GALNT14: variants seen among roughly 807,000 people sequenced by gnomAD.
GALNT14 encodes the protein UDP-GalNAc:polypeptide N-acetylgalactosaminyltransferase 14.
In GALNT14, 60 loss-of-function variants were observed where a neutral mutation model predicts 77.5. The ratio of observed to expected loss-of-function variants is 0.77; its 90% CI spans 0.63 to 0.96. The LOEUF (loss-of-function observed/expected upper bound fraction) is 0.96. GALNT14 is among the 40% of genes least tolerant of loss of function. The pLI is 0.00. For synonymous variants in GALNT14, 280 were observed against 281.7 expected (o/e 0.99, Z 0.06); for missense variants, 710 against 731.0 (o/e 0.97, Z 0.33).
At chr2:30,902,643 A>G in the GALNT14 span, among the ~76,000 whole-genome samples, 9 of 152,278 alleles carry the variant, frequency 5.9e-5, no homozygotes, top group African/African-American at 2.2e-4. Flanking sequence ...CTGTGACTTT[A>G]TAAGGGTAGG....
At chr2:30,993,920 G>A (rs902393560) in intron 1 of GALNT14, among the ~76,000 whole-genome samples, 27 of 152,248 alleles carry the variant, frequency 1.8e-4, no homozygotes, top group Middle Eastern at 3.4e-3. Context: ...TGCCCACACC[G>A]GTTCCACAGC....
In GALNT14 at chr2:30,958,051, C is replaced by T. The variant is rs79609197; in HGVS notation, c.466+346G>A. On this transcript the variant is annotated intron_variant, in intron 4 of 14. Transcript: ENST00000349752. ...GTAGGAAATGAGCAAGAAAAGAATG[C>T]GGAAAGGTTGGAAGGCAACCCTCAC... 0.011 allele frequency among the ~76,000 whole-genome samples: 1,707 copies of T among 152,160 alleles called. 82 individuals carry two copies. In the East Asian group the frequency reaches 0.16, roughly 14 times the overall value.
chr2:30,905,297 A>G, the GALNT14 span, among the ~76,000 whole-genome samples: 3 of 152,076 alleles, frequency 2.0e-5, no homozygotes, highest in Non-Finnish European at 2.9e-5. Context: ...AAAGGCAAAG[A>G]AGTGGAAAAC....
intron 9 of GALNT14, among the ~76,000 whole-genome samples, chr2:30,932,928 A>T (rs2148255587): frequency 6.6e-6 from 1 of 152,240 alleles, no homozygotes; most frequent in African/African-American, 2.4e-5. Context: ...CTAGGTTTGT[A>T]CACACACCCA....
At chr2:30,970,305 AG>A (rs1233536925) in intron 2 of GALNT14, among the ~76,000 whole-genome samples, 1 of 152,166 alleles carries the variant, frequency 6.6e-6, no homozygotes, top group Non-Finnish European at 1.5e-5. Flanking sequence ...CCTGCATTTG[AG>A]TCTGGACATG....
At chr2:31,136,642 G>C (rs957861416) in intron 1 of GALNT14, among the ~76,000 whole-genome samples, 2 of 152,166 alleles carry the variant, frequency 1.3e-5, no homozygotes, top group Non-Finnish European at 2.9e-5. Context: ...CAAAGCATTG[G>C]CAAGATTCCA....
intron 1 of GALNT14, among the ~76,000 whole-genome samples, chr2:31,070,195 C>A (rs12998538): frequency 0.1 from 15,544 of 152,238 alleles, 1,184 homozygotes; most frequent in Admixed American, 0.22. Context: ...TGACCACGGG[C>A]TATTCCACCA....
In GALNT14 at chr2:30,913,827, T is replaced by C. The variant is rs188769639; in HGVS notation, c.1381-1485A>G. Reference sequence around the variant, plus strand: ...CAAGACTGTCCTTGAGTCTTGTTCTTAACAGCAGGGCAATGGGTACATGGG... The same window carrying C: ...CAAGACTGTCCTTGAGTCTTGTTCTCAACAGCAGGGCAATGGGTACATGGG... On this transcript the variant is annotated intron_variant, in intron 13 of 14. Coordinates refer to ENST00000349752, the MANE Select transcript of GALNT14 (RefSeq NM_024572.4). 9.9e-4 allele frequency among the ~76,000 whole-genome samples: 151 copies of C among 152,334 alleles called. 1 individual carries two copies. The highest frequency in any genetic ancestry group is 3.6e-3 in the African/African-American group (148 of 41,580).
intron 2 of GALNT14, among the ~76,000 whole-genome samples, chr2:30,989,682 A>AT (rs534391599): frequency 4.3e-5 from 5 of 115,280 alleles, no homozygotes; most frequent in East Asian, 4.6e-4. Flanking sequence ...ATATATAAAA[A>AT]ATATATATTA....
chr2:31,116,584 T>C (rs1199568044), intron 1 of GALNT14, among the ~76,000 whole-genome samples: 1 of 152,118 alleles, frequency 6.6e-6, no homozygotes, highest in Non-Finnish European at 1.5e-5. Context: ...AAGCCAAAAC[T>C]CTTGATAGTA....
chr2:30,969,091 G>C (rs982422527), intron 2 of GALNT14, among the ~76,000 whole-genome samples: 8 of 152,190 alleles, frequency 5.3e-5, no homozygotes, highest in Admixed American at 3.3e-4. Flanking sequence ...ATGTCAGGGA[G>C]GAGGGCCAGC....
intron 1 of GALNT14, among the ~76,000 whole-genome samples, chr2:31,095,146 C>T (rs1356530422): frequency 6.6e-6 from 1 of 152,096 alleles, no homozygotes; most frequent in African/African-American, 2.4e-5. Flanking sequence ...AAACAGGGGG[C>T]AACAACCCAG....
intron 2 of GALNT14, among the ~76,000 whole-genome samples, chr2:30,985,109 C>T (rs1301867496): frequency 6.6e-6 from 1 of 151,708 alleles, no homozygotes; most frequent in Non-Finnish European, 1.5e-5. Context: ...ATGGCAATTG[C>T]TCAATAAATG....
chr2:30,967,511 C>T (rs895371523), intron 2 of GALNT14, among the ~76,000 whole-genome samples: 5 of 152,110 alleles, frequency 3.3e-5, no homozygotes, highest in African/African-American at 7.2e-5. Context: ...ATGGGCTGGG[C>T]GTGGGTCATC....
intron 6 of GALNT14, among the ~76,000 whole-genome samples, chr2:30,951,706 T>A (rs1366835120): frequency 6.6e-6 from 1 of 151,802 alleles, no homozygotes; most frequent in Non-Finnish European, 1.5e-5. Flanking sequence ...ATGAAATCAG[T>A]TTGGGGGCAG....
chr2:31,086,924 G>A (rs977231797), intron 1 of GALNT14, among the ~76,000 whole-genome samples: 2 of 152,106 alleles, frequency 1.3e-5, no homozygotes, highest in Non-Finnish European at 2.9e-5. Context: ...TTCTAATTAG[G>A]GAGACAGATA....
chr2:30,979,427 G>A (rs1002044711), intron 2 of GALNT14, among the ~76,000 whole-genome samples: 1 of 152,068 alleles, frequency 6.6e-6, no homozygotes, highest in Non-Finnish European at 1.5e-5. Context: ...GAAGGTGTGG[G>A]ACAAGGAGTA....
intron 10 of GALNT14, among the ~76,000 whole-genome samples, chr2:30,930,179 C>A (rs936995542): frequency 6.4e-4 from 77 of 119,910 alleles, no homozygotes; most frequent in Non-Finnish European, 1.4e-3. Flanking sequence ...AGGAACCCTA[C>A]TGGCATCCCT....
At chr2:31,056,812 A>G (rs1427917015) in intron 1 of GALNT14, among the ~76,000 whole-genome samples, 1 of 152,212 alleles carries the variant, frequency 6.6e-6, no homozygotes, top group African/African-American at 2.4e-5. Flanking sequence ...CAAGGTAGTG[A>G]CATGATAAAA....
Sources: gnomAD v4.1 joint callset for allele counts (sites outside exome capture counted in the v4.1 genomes callset) on GRCh38, gnomAD v4.1.1 for gene constraint, MANE v1.5 for transcripts, NCBI Gene and HGNC (gene_info 2026-07-23, HGNC 2026-07-21) for gene names.